WASL: variants seen among roughly 807,000 people sequenced by gnomAD.
WASL encodes actin nucleation-promoting factor WASL.
A neutral mutation model predicts 55.5 loss-of-function variants in WASL; 20 were observed. That is an observed-to-expected ratio of 0.36 (90% confidence interval 0.25 to 0.52). The LOEUF (loss-of-function observed/expected upper bound fraction) is 0.52, where lower values mean the gene tolerates loss of function less well. Ranked by LOEUF, WASL falls within the 20% of genes least tolerant of loss-of-function variation. The probability of loss-of-function intolerance (pLI) is 0.92; values close to 1 mark genes in which losing one functional copy is unlikely to be tolerated. For synonymous variants in WASL, 249 were observed against 217.6 expected (o/e 1.14, Z -1.27); for missense variants, 504 against 622.5 (o/e 0.81, Z 2.03).
chr7:123,737,295 A>T (rs1263559274), intron 1 of WASL, among the ~76,000 whole-genome samples: 2 of 152,122 alleles, frequency 1.3e-5, no homozygotes, highest in East Asian at 3.8e-4. Context: ...GTAATTTAGT[A>T]AATTATAAAA....
rs963856389 is a variant in WASL, at chr7:123,691,077, T to C, written c.1347+1270A>G. 3.9e-5 allele frequency among the ~76,000 whole-genome samples: 6 copies of C among 152,230 alleles called. No homozygotes were observed. The South Asian group carries it at 1.2e-3, about 31-fold the overall frequency. On this transcript the variant is annotated intron_variant, in intron 9 of 10. Transcript: ENST00000223023. ...TATATTTTAAAGATCAGAGTCTTCT[T>C]AGATCTATGCTAATGTTTACATGTT...
At chr7:123,738,760 T>C (rs1804280679) in intron 1 of WASL, among the ~76,000 whole-genome samples, 1 of 152,102 alleles carries the variant, frequency 6.6e-6, no homozygotes, top group African/African-American at 2.4e-5. Flanking sequence ...CTTAGTCCTT[T>C]TTTTTGCTAT....
At chr7:123,704,924 A>T (rs1185951081) in intron 4 of WASL, among the ~76,000 whole-genome samples, 2 of 152,206 alleles carry the variant, frequency 1.3e-5, no homozygotes, top group African/African-American at 2.4e-5. Context: ...AGGAGACAAG[A>T]AGGAAAGTCA....
intron 5 of WASL, among the ~76,000 whole-genome samples, chr7:123,697,176 T>C (rs371732969): frequency 7.7e-4 from 117 of 152,250 alleles, no homozygotes; most frequent in Non-Finnish European, 1.3e-3. Context: ...CCTTAACTCT[T>C]TGTTTCAACT....
chr7:123,709,001 CAT>C, intron 2 of WASL, 86 bp downstream of exon 2: 1 of 1,256,522 alleles, frequency 8.0e-7, no homozygotes. Context: ...TTAAATATCA[CAT>C]ATAGGATAAA....
At chr7:123,748,168 C>T (rs895067638) in intron 1 of WASL, among the ~76,000 whole-genome samples, 12 of 152,062 alleles carry the variant, frequency 7.9e-5, no homozygotes, top group African/African-American at 2.9e-4. Flanking sequence ...TTAAAAACCA[C>T]CTTCCTTCCC....
intron 1 of WASL, among the ~76,000 whole-genome samples, chr7:123,739,876 A>ATGTGTGTG (rs745649691): frequency 8.7e-6 from 1 of 115,530 alleles, no homozygotes; most frequent in Non-Finnish European, 1.8e-5. Context: ...ACATTTATAT[A>ATGTGTGTG]TGTGTGTGTG....
chr7:123,715,723 G>C lies in WASL; in HGVS notation c.118-6500C>G, dbSNP rs146545205. On this transcript the variant is annotated intron_variant, in intron 1 of 10. Transcript: ENST00000223023. ...AGGTGTGTGCTACACAGCAGGCTTA[G>C]GTCATTCACAACCACACACCAATCT... 2.8e-3 allele frequency among the ~76,000 whole-genome samples: 426 copies of C among 152,250 alleles called. 3 individuals are homozygous for C. Among genetic ancestry groups the C allele is most frequent in the African/African-American group, 9.8e-3 (407 of 41,550 alleles).
chr7:123,702,390 T>C (rs1803605700), intron 5 of WASL, among the ~76,000 whole-genome samples: 1 of 152,118 alleles, frequency 6.6e-6, no homozygotes, highest in Non-Finnish European at 1.5e-5. Flanking sequence ...GGTCTCTTAG[T>C]AGGGGTAATA....
chr7:123,718,914 T>C (rs1404425185), intron 1 of WASL, among the ~76,000 whole-genome samples: 2 of 152,274 alleles, frequency 1.3e-5, no homozygotes, highest in Non-Finnish European at 1.5e-5. Context: ...TGTTGAGCAT[T>C]TGTTATGTGG....
At chr7:123,708,223 T>TA (rs1254735718) in intron 2 of WASL, among the ~76,000 whole-genome samples, 8 of 151,978 alleles carry the variant, frequency 5.3e-5, no homozygotes, top group Admixed American at 5.3e-4. Flanking sequence ...ATTTACCAAA[T>TA]ACCATAACTG....
chr7:123,738,824 A>G (rs1282387102), intron 1 of WASL, among the ~76,000 whole-genome samples: 1 of 152,146 alleles, frequency 6.6e-6, no homozygotes, highest in East Asian at 1.9e-4. Context: ...GAAGAAGAAG[A>G]ATTGTCTTGA....
At chr7:123,746,364 C>G (rs1804430964) in intron 1 of WASL, among the ~76,000 whole-genome samples, 4 of 152,208 alleles carry the variant, frequency 2.6e-5, no homozygotes, top group Admixed American at 1.3e-4. Flanking sequence ...TTAGGTAGAG[C>G]TCTGAGTACT....
chr7:123,694,894 A>T (rs893338093), intron 7 of WASL, 26 bp from the exon 8 acceptor site: 23 of 1,581,084 alleles, frequency 1.5e-5, no homozygotes, highest in Non-Finnish European at 1.9e-5. Context: ...ACTGCTAACT[A>T]TAAAAATATA....
intron 5 of WASL, among the ~76,000 whole-genome samples, chr7:123,699,541 T>C (rs1241855032): frequency 6.6e-6 from 1 of 152,204 alleles, no homozygotes; most frequent in Non-Finnish European, 1.5e-5. Context: ...ATAAAAGCCA[T>C]CTATTATACT....
chr7:123,722,493 G>A (rs1803964983), intron 1 of WASL, among the ~76,000 whole-genome samples: 2 of 152,174 alleles, frequency 1.3e-5, no homozygotes, highest in South Asian at 4.1e-4. Context: ...TCTCCAAGAT[G>A]TTAATAACCT....
chr7:123,684,855 G>T (rs1250731584), intron 10 of WASL, among the ~76,000 whole-genome samples: 1 of 151,752 alleles, frequency 6.6e-6, no homozygotes, highest in African/African-American at 2.4e-5. Flanking sequence ...AAATCATCTG[G>T]GTTGACCTTT....
At chr7:123,726,520 G>C (rs1445188422) in intron 1 of WASL, among the ~76,000 whole-genome samples, 1 of 151,814 alleles carries the variant, frequency 6.6e-6, no homozygotes, top group Admixed American at 6.6e-5. Context: ...AAAAAAAAAA[G>C]ATACATTAGC....
intron 5 of WASL, 49 bp from the exon 6 acceptor site, chr7:123,696,796 G>C: frequency 8.3e-7 from 1 of 1,209,918 alleles, no homozygotes; most frequent in South Asian, 2.4e-5. Context: ...TAAGATAACT[G>C]ATATACAATC....
Sources: allele counts gnomAD v4.1 joint callset (sites outside exome capture counted in the v4.1 genomes callset), GRCh38; gene constraint gnomAD v4.1.1; transcripts MANE v1.5; gene names NCBI Gene and HGNC (gene_info 2026-07-23, HGNC 2026-07-21).